ST8SIA2: variants seen among roughly 807,000 people sequenced by gnomAD.
ST8SIA2 encodes ST8 alpha-N-acetyl-neuraminide alpha-2,8-sialyltransferase 2.
A neutral mutation model predicts 37.6 loss-of-function variants in ST8SIA2; 22 were observed. That is an observed-to-expected ratio of 0.58 (90% CI 0.42 to 0.83). ST8SIA2 has a LOEUF of 0.83. Among genes scored for constraint, ST8SIA2 ranks in the 40% least tolerant of loss-of-function variants. The probability of loss-of-function intolerance (pLI) is 0.00; values close to 1 mark genes in which losing one functional copy is unlikely to be tolerated. For missense variants in ST8SIA2, 382 were observed against 484.7 expected, an observed-to-expected ratio of 0.79 and a Z score of 1.99; for synonymous variants, 205 against 201.2, an observed-to-expected ratio of 1.02 and a Z score of -0.16.
At chr15:92,451,486 GC>G (rs2049881532) in intron 5 of ST8SIA2, among the ~76,000 whole-genome samples, 1 of 152,198 alleles carries the variant, frequency 6.6e-6, no homozygotes, top group African/African-American at 2.4e-5. Context: ...AGTTGAGGTT[GC>G]CCTTGCCCTT....
At chr15:92,410,470 G>T (rs2049540633) in intron 1 of ST8SIA2, among the ~76,000 whole-genome samples, 1 of 152,216 alleles carries the variant, frequency 6.6e-6, no homozygotes, top group African/African-American at 2.4e-5. Flanking sequence ...CGTCACTGCT[G>T]CACCCTTCAG....
intron 1 of ST8SIA2, among the ~76,000 whole-genome samples, chr15:92,394,516 G>T (rs1379628186): frequency 1.3e-5 from 2 of 152,170 alleles, no homozygotes; most frequent in Non-Finnish European, 2.9e-5. Context: ...GGGCGGAGGG[G>T]CCGAGAGTGG....
At chr15:92,443,851 C>T (rs1308667585) in intron 4 of ST8SIA2, among the ~76,000 whole-genome samples, 1 of 152,116 alleles carries the variant, frequency 6.6e-6, no homozygotes, top group Non-Finnish European at 1.5e-5. Flanking sequence ...GGTATCGATG[C>T]TTAGGCTCAC....
rs371170810 is a variant in ST8SIA2 at position 92,441,531 on chromosome 15, G to A, written c.548+2921G>A. 8.6e-5 allele frequency among the ~76,000 whole-genome samples: 13 copies of A among 151,620 alleles called. No individual in the cohort carries two copies. The East Asian group carries it at 1.4e-3, about 16-fold the overall frequency. ...GTGTCTATCTGGGATCGTGTGTGCA[G>A]AGTATAAGTTCCCAGATGTTTGGGG... On this transcript the variant is annotated intron_variant, in intron 4 of 5. Transcript: ENST00000268164.
chr15:92,439,224 G>A (rs4777983), intron 4 of ST8SIA2, among the ~76,000 whole-genome samples: 84,664 of 151,872 alleles, frequency 0.56, 24,403 homozygotes, highest in African/African-American at 0.69. Context: ...CTTTGTAAGT[G>A]TCTTGGGAGG....
At chr15:92,449,736 A>G (rs2049868686) in intron 5 of ST8SIA2, among the ~76,000 whole-genome samples, 1 of 152,118 alleles carries the variant, frequency 6.6e-6, no homozygotes, top group South Asian at 2.1e-4. Flanking sequence ...TTTGATTTGC[A>G]TTTCTCTGAT....
At chr15:92,451,199 G>A (rs992476577) in intron 5 of ST8SIA2, among the ~76,000 whole-genome samples, 7 of 152,162 alleles carry the variant, frequency 4.6e-5, no homozygotes, top group African/African-American at 7.2e-5. Context: ...GCATTCTCTC[G>A]CTCTAATGTG....
intron 1 of ST8SIA2, among the ~76,000 whole-genome samples, chr15:92,406,994 C>CAAAAA (rs1163260963): frequency 3.9e-5 from 2 of 51,340 alleles, no homozygotes; most frequent in East Asian, 5.6e-4. Flanking sequence ...AACCCTGTCT[C>CAAAAA]AAAAAAAAAA....
chr15:92,464,072 C>CTTTTTTTTTTTTTT lies in ST8SIA2; in HGVS notation c.843-18_843-5dup, dbSNP rs34156050. 3.5e-4 allele frequency: 449 copies of CTTTTTTTTTTTTTT among 1,273,410 alleles called. 19 individuals carry two copies. The highest frequency in any genetic ancestry group is 1.7e-3 in the Admixed American group (51 of 30,386). The allele number at this position is 1,273,410 out of a possible 1,614,324, so 78.9% of individuals were successfully genotyped here. A position where few individuals can be genotyped will look rare whatever the true frequency, so the allele number is the denominator to read the frequency against. On this transcript the variant is annotated intron_variant, in intron 5 of 5. Transcript: ENST00000268164. The stretch of plus-strand genomic sequence containing the variant: ...TGACTCACAGACCCATGTTTCTTTT[C>CTTTTTTTTTTTTTT]TTTTTTTTTTTTTTTTTTTTTTTCC...
intron 1 of ST8SIA2, among the ~76,000 whole-genome samples, chr15:92,397,746 G>A (rs1329109784): frequency 6.6e-6 from 1 of 152,160 alleles, no homozygotes; most frequent in Non-Finnish European, 1.5e-5. Context: ...CATGGAACTG[G>A]GCACACAAGG....
intron 1 of ST8SIA2, among the ~76,000 whole-genome samples, chr15:92,395,108 C>T (rs375769388): frequency 1.3e-5 from 2 of 152,148 alleles, no homozygotes; most frequent in African/African-American, 4.8e-5. Flanking sequence ...CCGGGCCCCT[C>T]TCCGGAACCT....
Position 92,438,539 on chromosome 15 carries a change from C to G in ST8SIA2, c.477C>G (p.Ile159Met). The G allele has an allele frequency of 8.7e-6, 14 of 1,614,124 alleles. No homozygotes were observed. Among genetic ancestry groups the G allele is most frequent in the Non-Finnish European group, 1.2e-5 (14 of 1,180,024 alleles). Residue 159 changes from isoleucine (I) to methionine (M), a missense_variant, in exon 4 of 6, where the codon ATC becomes ATG. By Grantham distance (10) the Ile-to-Met change is conservative. Coordinates refer to ENST00000268164, the MANE Select transcript of ST8SIA2 (RefSeq NM_006011.4). ...LKNKHFGTCAIVGNSGVLLNS... is the reference protein window; with the variant it reads ...LKNKHFGTCAMVGNSGVLLNS... ...ATAAGCACTTTGGGACTTGTGCCAT[C>G]GTGGGCAACTCGGGGGTCTTGCTGA... is the stretch of plus-strand genomic sequence containing the variant.
intron 1 of ST8SIA2, among the ~76,000 whole-genome samples, chr15:92,395,413 A>G (rs2141790189): frequency 6.6e-6 from 1 of 152,312 alleles, no homozygotes; most frequent in Middle Eastern, 3.4e-3. Context: ...CGAGGCCCCA[A>G]GGACAAAAAC....
chr15:92,437,204 G>A lies in ST8SIA2; in HGVS notation c.291-1149G>A, dbSNP rs962973209. Among the ~76,000 whole-genome samples, 3 of 152,228 alleles carry A rather than the reference G, an allele frequency of 2.0e-5. 1 individual carries two copies. The highest frequency in any genetic ancestry group is 6.5e-5 in the Admixed American group (1 of 15,286). On this transcript the variant is annotated intron_variant, in intron 3 of 5. Transcript: ENST00000268164. ...TATCTGTTCTAGATAGGAATTTGCA[G>A]CAGAATATGAAATTAATTTCAGCTT... is the stretch of plus-strand genomic sequence containing the variant.
chr15:92,467,559 G>GC lies in ST8SIA2; in HGVS notation c.*3174_*3175insC, dbSNP rs1266959246. The GC allele has an allele frequency of 1.3e-5, 2 of 152,500 alleles. No homozygotes were observed. Among genetic ancestry groups the GC allele is most frequent in the Non-Finnish European group, 2.9e-5 (2 of 68,116 alleles). The allele number at this position is 152,500 out of a possible 1,614,324, so 9.4% of individuals were successfully genotyped here. A position where few individuals can be genotyped will look rare whatever the true frequency, so the allele number is the denominator to read the frequency against. On this transcript the variant is annotated 3_prime_UTR_variant, in exon 6 of 6. Coordinates refer to ENST00000268164, the MANE Select transcript of ST8SIA2 (RefSeq NM_006011.4). ...GGCACCCAGAATGCCACATTCTTGT[G>GC]TTTTTTTCCTCCTTCTTTCCCAATC...
intron 1 of ST8SIA2, among the ~76,000 whole-genome samples, chr15:92,399,473 C>A (rs1039426608): frequency 6.6e-6 from 1 of 152,218 alleles, no homozygotes; most frequent in African/African-American, 2.4e-5. Context: ...CTACTGCCAA[C>A]AGCCAAGAGT....
chr15:92,418,199 A>G (rs181295277), intron 1 of ST8SIA2, among the ~76,000 whole-genome samples: 45 of 152,040 alleles, frequency 3.0e-4, no homozygotes, highest in African/African-American at 9.9e-4. Context: ...CACGCCTATA[A>G]TCCCAGCAGT....
intron 1 of ST8SIA2, among the ~76,000 whole-genome samples, chr15:92,408,677 T>TTTTATTTATTTA (rs58508323): frequency 4.1e-4 from 51 of 123,138 alleles, no homozygotes; most frequent in Admixed American, 1.6e-3. Context: ...GTTCCATTTT[T>TTTTATTTATTTA]TTTATTTATT....
At chr15:92,432,989 G>T (rs2049727770) in intron 2 of ST8SIA2, among the ~76,000 whole-genome samples, 1 of 152,090 alleles carries the variant, frequency 6.6e-6, no homozygotes, top group Admixed American at 6.5e-5. Flanking sequence ...AATTAGCCGG[G>T]TGTGGTGGCA....
Sources: gnomAD v4.1 joint callset for allele counts (sites outside exome capture counted in the v4.1 genomes callset) on GRCh38, gnomAD v4.1.1 for gene constraint, MANE v1.5 for transcripts, NCBI Gene and HGNC (gene_info 2026-07-23, HGNC 2026-07-21) for gene names.